The following KIDINS220 variants were observed in gnomAD, a reference collection of about 807,000 sequenced individuals.
KIDINS220 encodes kinase D interacting substrate 220.
A neutral mutation model predicts 157.6 loss-of-function variants in KIDINS220; 63 were observed. The observed-to-expected ratio is 0.40, with a 90% CI of 0.33 to 0.49. The LOEUF is 0.49. KIDINS220 is among the 20% of genes least tolerant of loss of function. The probability of loss-of-function intolerance (pLI) is 0.66; values close to 1 mark genes in which losing one functional copy is unlikely to be tolerated. For synonymous variants in KIDINS220, 732 were observed against 783.6 expected, an observed-to-expected ratio of 0.93 and a Z score of 1.10; for missense variants, 1,772 against 2,171.2, an observed-to-expected ratio of 0.82 and a Z score of 3.65.
At chr2:8,749,726 G>A (rs1667048130) in intron 24 of KIDINS220, among the ~76,000 whole-genome samples, 1 of 151,952 alleles carries the variant, frequency 6.6e-6, no homozygotes, top group African/African-American at 2.4e-5. Context: ...ACTACTATAG[G>A]AATTTAAGTT....
intron 11 of KIDINS220, among the ~76,000 whole-genome samples, chr2:8,796,334 T>C (rs1673912727): frequency 6.6e-6 from 1 of 152,148 alleles, no homozygotes; most frequent in Non-Finnish European, 1.5e-5. Flanking sequence ...TTATAGAAAA[T>C]ATAAAAATTC....
At chr2:8,826,299 G>T (rs1452443675) in intron 2 of KIDINS220, among the ~76,000 whole-genome samples, 1 of 152,140 alleles carries the variant, frequency 6.6e-6, no homozygotes, top group Non-Finnish European at 1.5e-5. Flanking sequence ...GAGGATGATA[G>T]TTGGGGCTCA....
chr2:8,799,274 T>C (rs1216588089), intron 9 of KIDINS220, among the ~76,000 whole-genome samples: 1 of 42,854 alleles, frequency 2.3e-5, no homozygotes, highest in African/African-American at 5.6e-5. Flanking sequence ...TCCTTTTCTA[T>C]TTTTTTTTTT....
intron 1 of KIDINS220, among the ~76,000 whole-genome samples, chr2:8,836,675 TA>T (rs1157123192): frequency 6.6e-6 from 1 of 152,184 alleles, no homozygotes; most frequent in African/African-American, 2.4e-5. Flanking sequence ...CACGGTGGTT[TA>T]AAAAGGTGTA....
intron 21 of KIDINS220, 67 bp from the exon 22 acceptor site, chr2:8,770,899 A>G (rs144178505): frequency 3.3e-6 from 3 of 896,560 alleles, no homozygotes; most frequent in Admixed American, 6.1e-5. Context: ...TAAAACATTT[A>G]GTATATTCAC....
intron 22 of KIDINS220, among the ~76,000 whole-genome samples, chr2:8,756,689 G>A (rs1668055717): frequency 6.6e-6 from 1 of 152,188 alleles, no homozygotes; most frequent in South Asian, 2.1e-4. Flanking sequence ...ACACTACAGA[G>A]AGAGAGAGAG....
chr2:8,802,295 C>T (rs1674832036), intron 8 of KIDINS220, among the ~76,000 whole-genome samples: 1 of 152,074 alleles, frequency 6.6e-6, no homozygotes, highest in Non-Finnish European at 1.5e-5. Flanking sequence ...GAGTGGAGAA[C>T]CCAGTTGCAA....
chr2:8,744,389 ATATATATATATAATATATAT>A (rs1558328350), intron 26 of KIDINS220, among the ~76,000 whole-genome samples: 3 of 27,892 alleles, frequency 1.1e-4, no homozygotes, highest in Non-Finnish European at 1.7e-4. Context: ...AAAAAAAAAA[ATATATATATATAATATATAT>A]ATATATATAT....
rs999162518 is a variant in KIDINS220 at position 8,757,574 on chromosome 2, G to T, written c.3012-5930C>A. 2.7e-5 allele frequency: 41 copies of T among 1,529,852 alleles called. No individual in the cohort carries two copies. In the African/African-American group the frequency reaches 2.7e-4, roughly 10 times the overall value. 94.8% of individuals were successfully genotyped at this position (1,529,852 alleles called of 1,614,324 possible). ...TGTCTCATGAAGGCCAGTACCTCTG[G>T]TTGCTGAAGTTTTGAATATTTGCCA... On this transcript the variant is annotated intron_variant, in intron 22 of 29. Transcript: ENST00000256707.
chr2:8,836,158 G>A (rs1296757831), intron 1 of KIDINS220, among the ~76,000 whole-genome samples: 1 of 151,988 alleles, frequency 6.6e-6, no homozygotes, highest in East Asian at 1.9e-4. Context: ...GGTGGAAGAT[G>A]ACCAGATGCC....
intron 22 of KIDINS220, among the ~76,000 whole-genome samples, chr2:8,765,950 C>A (rs1669430174): frequency 6.6e-6 from 1 of 152,150 alleles, no homozygotes; most frequent in African/African-American, 2.4e-5. Context: ...CACCCAGGTT[C>A]ATTCCTATTC....
At chr2:8,827,393 C>T (rs1340846756) in intron 1 of KIDINS220, among the ~76,000 whole-genome samples, 1 of 152,156 alleles carries the variant, frequency 6.6e-6, no homozygotes, top group African/African-American at 2.4e-5. Flanking sequence ...CTCCAAAATG[C>T]TCCCCTGCTC....
intron 14 of KIDINS220, among the ~76,000 whole-genome samples, chr2:8,789,560 T>G (rs1167899697): frequency 1.3e-5 from 2 of 152,154 alleles, no homozygotes; most frequent in African/African-American, 2.4e-5. Flanking sequence ...AGTGCTGGGA[T>G]TACAGGCGTG....
chr2:8,789,802 T>C (rs1672939546), intron 14 of KIDINS220, 78 bp downstream of exon 14: 3 of 1,111,684 alleles, frequency 2.7e-6, no homozygotes, highest in African/African-American at 3.3e-5. Flanking sequence ...AAAAGACAGA[T>C]AAAGAAAATG....
intron 9 of KIDINS220, among the ~76,000 whole-genome samples, chr2:8,799,855 C>A (rs948492205): frequency 6.6e-6 from 1 of 152,190 alleles, no homozygotes; most frequent in Non-Finnish European, 1.5e-5. Context: ...GATAAATTCA[C>A]AACTGTGGGC....
In KIDINS220 at chr2:8,803,144, C is replaced by T; in HGVS notation, c.604-17G>A. 6.3e-7 allele frequency: 1 copy of T among 1,584,334 alleles called. No individual in the cohort carries two copies. Among genetic ancestry groups the T allele is most frequent in the Non-Finnish European group, 8.6e-7 (1 of 1,165,236 alleles). On this transcript the variant is annotated splice_polypyrimidine_tract_variant and intron_variant, in intron 7 of 29. Transcript: ENST00000256707. Reference sequence around the variant, plus strand: ...CATTGAATTCTAAAAACAACAACAACAAAAACAAAACAAAACGCAAGCCCA... The same window carrying T: ...CATTGAATTCTAAAAACAACAACAATAAAAACAAAACAAAACGCAAGCCCA...
At position 8,794,161 on chromosome 2, in the gene KIDINS220, A is replaced by C. The variant is rs1673590247; in HGVS notation, c.1099-174T>G. On this transcript the variant is annotated intron_variant, in intron 11 of 29. Transcript: ENST00000256707. ...TATCTTCCCCATAATATCCTTCTGT[A>C]GCTCCTCATCCAGCTTTGCTCAGAT... 1.1e-5 allele frequency: 5 copies of C among 468,650 alleles called. No homozygotes were observed. The South Asian group carries it at 1.5e-4, about 14-fold the overall frequency. 29.0% of individuals were successfully genotyped at this position (468,650 alleles called of 1,614,324 possible). A position where few individuals can be genotyped will look rare whatever the true frequency, so the allele number is the denominator to read the frequency against.
At chr2:8,763,269 A>C (rs1669014966) in intron 22 of KIDINS220, among the ~76,000 whole-genome samples, 1 of 152,168 alleles carries the variant, frequency 6.6e-6, no homozygotes, top group African/African-American at 2.4e-5. Context: ...TCTGCCTCTT[A>C]GGGTTAGAAG....
At chr2:8,793,766 T>C (rs762690232) in intron 12 of KIDINS220, 44 bp downstream of exon 12, 105 of 1,508,780 alleles carry the variant, frequency 7.0e-5, no homozygotes, top group Non-Finnish European at 9.0e-5. Context: ...TAATGGAACA[T>C]TGATTATTTA....
Sources: allele counts gnomAD v4.1 joint callset (sites outside exome capture counted in the v4.1 genomes callset), GRCh38; gene constraint gnomAD v4.1.1; transcripts MANE v1.5; gene names NCBI Gene and HGNC (gene_info 2026-07-23, HGNC 2026-07-21).